Variants in EZR observed in about 807,000 individuals in gnomAD.
The protein encoded by EZR is cytovillin 2.
In EZR, 40 loss-of-function variants were observed where a neutral mutation model predicts 74.8. That is an observed-to-expected ratio of 0.53 (90% CI 0.42 to 0.70). The LOEUF is 0.70. Among genes scored for constraint, EZR ranks in the 30% least tolerant of loss-of-function variants. The probability of loss-of-function intolerance (pLI) is 0.00; values close to 1 mark genes in which losing one functional copy is unlikely to be tolerated. For synonymous variants in EZR, 341 were observed against 283.3 expected, an observed-to-expected ratio of 1.20 and a Z score of -2.05; for missense variants, 678 against 755.8, an observed-to-expected ratio of 0.90 and a Z score of 1.21.
Position 158,766,445 on chromosome 6 carries a change from T to A in EZR, c.*469A>T, listed in dbSNP as rs1790846242. On this transcript the variant is annotated 3_prime_UTR_variant, in exon 14 of 14. Transcript: ENST00000367075. ...AGTGCTTCAGACTCAATTTCCAAAA[T>A]AATTTTCACCCCTCTAAGCATGTAA... The A allele has an allele frequency of 6.5e-6, 1 of 154,370 alleles. No homozygotes were observed. The highest frequency in any genetic ancestry group is 1.4e-5 in the Non-Finnish European group (1 of 69,426). 9.6% of individuals were successfully genotyped at this position (154,370 alleles called of 1,614,324 possible).
At chr6:158,768,682 G>A (rs538465788) in intron 12 of EZR, among the ~76,000 whole-genome samples, 40 of 152,304 alleles carry the variant, frequency 2.6e-4, no homozygotes, top group South Asian at 2.1e-3. Context: ...CTCTGTGTGC[G>A]TCCCACAATG....
chr6:158,815,535 G>C (rs1777535614), intron 2 of EZR, among the ~76,000 whole-genome samples: 1 of 152,198 alleles, frequency 6.6e-6, no homozygotes, highest in African/African-American at 2.4e-5. Context: ...GAATGCAGTG[G>C]CTTGATCTTA....
chr6:158,787,039 C>T, intron 4 of EZR, 69 bp downstream of exon 4: 4 of 1,267,384 alleles, frequency 3.2e-6, no homozygotes, highest in Non-Finnish European at 4.6e-6. Context: ...GTGAGTTGCT[C>T]CAGTTTCCTT....
intron 10 of EZR, 54 bp downstream of exon 10, chr6:158,770,710 T>TA (rs1791077325): frequency 6.2e-7 from 1 of 1,610,864 alleles, no homozygotes; most frequent in Admixed American, 1.7e-5. Flanking sequence ...TGGCCCCTGC[T>TA]ACTCTGTGGA....
intron 12 of EZR, among the ~76,000 whole-genome samples, chr6:158,769,015 C>T (rs1354797707): frequency 6.6e-6 from 1 of 152,214 alleles, no homozygotes; most frequent in Non-Finnish European, 1.5e-5. Flanking sequence ...CGGGGGCTGT[C>T]AGATCAGCAC....
intron 7 of EZR, among the ~76,000 whole-genome samples, chr6:158,777,450 C>T (rs931810609): frequency 6.6e-6 from 1 of 152,264 alleles, no homozygotes; most frequent in Non-Finnish European, 1.5e-5. Context: ...CATCATGTGA[C>T]TTCAAGACCA....
chr6:158,773,769 AGCGGAAAC>A (rs1334325497), intron 8 of EZR, among the ~76,000 whole-genome samples: 1 of 152,242 alleles, frequency 6.6e-6, no homozygotes, highest in Admixed American at 6.5e-5. Context: ...GAGGAGTCAG[AGCGGAAAC>A]GCTGCTTACT....
In EZR at chr6:158,789,364, A is replaced by G; in HGVS notation, c.20T>C (p.Val7Ala). 1.9e-6 allele frequency: 3 copies of G among 1,614,018 alleles called. No individual in the cohort carries two copies. Among genetic ancestry groups the G allele is most frequent in the Non-Finnish European group, 2.5e-6 (3 of 1,179,846 alleles). ...CTCTGCATCCATGGTGGTAACTCGG[A>G]CATTGATCTGAAAAACAGAATGAAA... MPKPIN[V>A]RVTTMDAELE... The change falls in exon 3 of 14, where the codon GTC (valine) becomes GCC (alanine). Residue 7 changes from valine (V) to alanine (A), a missense_variant. Val to Ala is a moderately conservative substitution (Grantham distance 64). Transcript: ENST00000367075.
intron 2 of EZR, among the ~76,000 whole-genome samples, chr6:158,810,181 T>A (rs1217735193): frequency 6.6e-6 from 1 of 152,232 alleles, no homozygotes; most frequent in East Asian, 1.9e-4. Context: ...TATTTTGCTT[T>A]TAAGGTTTTG....
In EZR at chr6:158,767,050, C is replaced by T. The variant is rs761099985; in HGVS notation, c.1625G>A (p.Arg542Gln). The change falls in exon 14 of 14, where the codon CGA (arginine) becomes CAA (glutamine). Residue 542 changes from arginine to glutamine, a missense_variant. This residue lies in a region of EZR where 342 missense variants were observed against 341.2 expected (regional missense o/e 1.00). Transcript: ENST00000367075. ...ATTGTGGGTCCTCTTATTCTCATCT[C>T]GGGCCTGGGACAGCTCGCTGCTCAG... ...LTLSSELSQA[R>Q]DENKRTHNDI... is the part of the protein sequence containing the mutation. The T allele has an allele frequency of 7.5e-5, 121 of 1,614,054 alleles. No homozygotes were observed. Among genetic ancestry groups the T allele is most frequent in the Non-Finnish European group, 9.5e-5 (112 of 1,180,042 alleles).
In EZR at chr6:158,771,238, G is replaced by A. The variant is rs759869402; in HGVS notation, c.959+6C>T. Reference sequence around the variant, plus strand: ...GGCCCCCCCCACTCTGGCCTCACGCGCTCACCGCTCCAGCTGCTTCTGATG... The same window carrying A: ...GGCCCCCCCCACTCTGGCCTCACGCACTCACCGCTCCAGCTGCTTCTGATG... On this transcript the variant is annotated splice_donor_region_variant and intron_variant, in intron 9 of 13. Coordinates refer to ENST00000367075, the MANE Select transcript of EZR (RefSeq NM_001111077.2). 17 of 1,608,394 alleles carry A rather than the reference G, an allele frequency of 1.1e-5. No individual in the cohort carries two copies. Among genetic ancestry groups the A allele is most frequent in the African/African-American group, 1.3e-5 (1 of 74,752 alleles).
chr6:158,805,335 A>AG (rs1180398794), intron 2 of EZR, among the ~76,000 whole-genome samples: 19 of 118,192 alleles, frequency 1.6e-4, no homozygotes, highest in African/African-American at 5.7e-4. Context: ...ACTCCATCTC[A>AG]GGAAAAAAAA....
chr6:158,818,590 G>A (rs1777618414), intron 1 of EZR, among the ~76,000 whole-genome samples: 1 of 148,032 alleles, frequency 6.8e-6, no homozygotes, highest in African/African-American at 2.5e-5. Flanking sequence ...GGCCAGGAGG[G>A]TCAGGGGAGA....
At chr6:158,777,159 C>A (rs1791302259) in intron 7 of EZR, among the ~76,000 whole-genome samples, 1 of 152,200 alleles carries the variant, frequency 6.6e-6, no homozygotes, top group African/African-American at 2.4e-5. Flanking sequence ...TCTATGAAAC[C>A]AACAGGGAGG....
intron 2 of EZR, among the ~76,000 whole-genome samples, chr6:158,790,929 C>T (rs1489606361): frequency 6.6e-6 from 1 of 152,184 alleles, no homozygotes; most frequent in African/African-American, 2.4e-5. Flanking sequence ...AGATACCTAT[C>T]CCGGATTCTT....
intron 2 of EZR, among the ~76,000 whole-genome samples, chr6:158,814,611 T>G (rs1424633346): frequency 2.7e-5 from 4 of 149,928 alleles, no homozygotes; most frequent in Non-Finnish European, 4.4e-5. Context: ...TGGTGCAATC[T>G]CAGCTCACTG....
At chr6:158,795,692 G>A (rs114178079) in intron 2 of EZR, among the ~76,000 whole-genome samples, 2,440 of 152,298 alleles carry the variant, frequency 0.016, 55 homozygotes, top group African/African-American at 0.056. Flanking sequence ...ATGAAGATGG[G>A]TGTGCCTCAG....
intron 7 of EZR, among the ~76,000 whole-genome samples, chr6:158,779,720 C>G (rs139183146): frequency 6.6e-6 from 1 of 152,086 alleles, no homozygotes; most frequent in South Asian, 2.1e-4. Flanking sequence ...TGCACCACCA[C>G]GCCCAGCTAA....
At chr6:158,779,646 C>T (rs1236803564) in intron 7 of EZR, among the ~76,000 whole-genome samples, 1 of 152,112 alleles carries the variant, frequency 6.6e-6, no homozygotes, top group African/African-American at 2.4e-5. Flanking sequence ...TCACTGCAGC[C>T]TCCGCCTCCC....
Sources: allele counts gnomAD v4.1 joint callset (sites outside exome capture counted in the v4.1 genomes callset), GRCh38; gene constraint gnomAD v4.1.1; regional missense constraint gnomAD v4.1.1; transcripts MANE v1.5; gene names NCBI Gene and HGNC (gene_info 2026-07-23, HGNC 2026-07-21).